The following PTPRN2 variants were observed in gnomAD, a reference collection of about 807,000 sequenced individuals.
PTPRN2 encodes the protein protein tyrosine phosphatase receptor type N2.
PTPRN2 carries 74 observed loss-of-function variants against 118.8 expected under a neutral mutation model. The ratio of observed to expected loss-of-function variants is 0.62; its 90% CI spans 0.52 to 0.76. The LOEUF is 0.76. PTPRN2 is among the 30% of genes least tolerant of loss of function. The pLI is 0.00. For missense variants in PTPRN2, 1,481 were observed against 1,394.4 expected, an observed-to-expected ratio of 1.06 and a Z score of -0.99; for synonymous variants, 641 against 608.0, an observed-to-expected ratio of 1.05 and a Z score of -0.80.
At chr7:157,852,686 T>C (rs2151208056) in intron 12 of PTPRN2, among the ~76,000 whole-genome samples, 1 of 151,972 alleles carries the variant, frequency 6.6e-6, no homozygotes, top group South Asian at 2.1e-4. Flanking sequence ...CTGGCCAACA[T>C]GGTGAAACCC....
intron 2 of PTPRN2, among the ~76,000 whole-genome samples, chr7:158,450,706 T>C (rs534123063): frequency 1.3e-5 from 2 of 152,356 alleles, no homozygotes; most frequent in South Asian, 4.1e-4. Flanking sequence ...TAAATTCCAC[T>C]GTTCCATTGT....
intron 5 of PTPRN2, among the ~76,000 whole-genome samples, chr7:158,172,448 T>A (rs1823783948): frequency 6.7e-6 from 1 of 150,372 alleles, no homozygotes; most frequent in South Asian, 2.1e-4. Context: ...ATCTTCACCA[T>A]CCACAGCACC....
chr7:157,706,708 C>CT (rs1798350589), intron 12 of PTPRN2, among the ~76,000 whole-genome samples: 1 of 141,684 alleles, frequency 7.1e-6, no homozygotes, highest in Admixed American at 7.3e-5. Flanking sequence ...GATCACATCC[C>CT]CCAGAATGCT....
At chr7:158,486,270 C>T (rs1821015000) in intron 2 of PTPRN2, among the ~76,000 whole-genome samples, 2 of 152,224 alleles carry the variant, frequency 1.3e-5, no homozygotes, top group South Asian at 4.1e-4. Context: ...GGCGTGAAAG[C>T]GACCAGCTCA....
intron 12 of PTPRN2, chr7:157,854,468 C>T (rs974303931): frequency 1.3e-5 from 2 of 152,292 alleles, no homozygotes; most frequent in Non-Finnish European, 2.9e-5. Flanking sequence ...AAGGTCACTG[C>T]CCTTGTGGTT....
chr7:158,536,521 C>A (rs1184768623), intron 1 of PTPRN2, among the ~76,000 whole-genome samples: 1 of 146,486 alleles, frequency 6.8e-6, no homozygotes, highest in South Asian at 2.2e-4. Context: ...CCACCATCAA[C>A]AAGACGGGAC....
intron 10 of PTPRN2, among the ~76,000 whole-genome samples, chr7:158,103,035 G>GAC (rs1358828093): frequency 1.3e-5 from 2 of 152,178 alleles, no homozygotes; most frequent in African/African-American, 2.4e-5. Context: ...CCATCAGCAG[G>GAC]ACCCAGTAAG....
intron 12 of PTPRN2, among the ~76,000 whole-genome samples, chr7:157,842,548 G>A (rs1015920462): frequency 3.3e-5 from 5 of 151,690 alleles, no homozygotes; most frequent in African/African-American, 9.7e-5. Context: ...CTGAGTAGCT[G>A]GAATTACAGG....
At chr7:158,051,143 G>T (rs1414685960) in intron 11 of PTPRN2, among the ~76,000 whole-genome samples, 1 of 152,250 alleles carries the variant, frequency 6.6e-6, no homozygotes, top group Admixed American at 6.5e-5. Flanking sequence ...TGGGGGTCTG[G>T]AGGGCACTAT....
chr7:158,442,675 G>A (rs1356648686), intron 2 of PTPRN2, among the ~76,000 whole-genome samples: 1 of 152,216 alleles, frequency 6.6e-6, no homozygotes, highest in Non-Finnish European at 1.5e-5. Flanking sequence ...ATCGTAAGGA[G>A]GTGATTCTGA....
intron 2 of PTPRN2, among the ~76,000 whole-genome samples, chr7:158,404,850 T>TCCAGCTCCCCAGCCC (rs1813266352): frequency 1.4e-4 from 1 of 7,216 alleles, no homozygotes; most frequent in East Asian, 3.8e-3. Flanking sequence ...CTCCCCGGCC[T>TCCAGCTCCCCAGCCC]CCAGCTCCCC....
intron 2 of PTPRN2, among the ~76,000 whole-genome samples, chr7:158,392,628 C>T (rs1025625845): frequency 6.6e-6 from 1 of 152,174 alleles, no homozygotes; most frequent in Non-Finnish European, 1.5e-5. Flanking sequence ...CTGACCACAT[C>T]AAGGTGCTAC....
intron 1 of PTPRN2, chr7:158,537,748 A>T (rs140810705): frequency 6.6e-6 from 1 of 152,366 alleles, no homozygotes; most frequent in East Asian, 1.9e-4. Context: ...TGCAAACTCG[A>T]TTCCTTGCAT....
intron 3 of PTPRN2, among the ~76,000 whole-genome samples, chr7:158,265,889 C>A (rs140732690): frequency 6.6e-6 from 1 of 152,224 alleles, no homozygotes; most frequent in African/African-American, 2.4e-5. Context: ...TCAGAGTCTG[C>A]GTGGGGGCTG....
Position 158,438,918 on chromosome 7 carries a change from C to T in PTPRN2, c.163+50817G>A, listed in dbSNP as rs753651029. On this transcript the variant is annotated intron_variant, in intron 2 of 22. Transcript: ENST00000389418. The surrounding 1 kb of genome is among the most constrained non-coding windows in gnomAD (Gnocchi z 4.7). Reference sequence around the variant, plus strand: ...TGGGAACTGCTCAGGGCAAACCTGCCTCCCATTCTGTTCAAAGTCACCCCT... The same window carrying T: ...TGGGAACTGCTCAGGGCAAACCTGCTTCCCATTCTGTTCAAAGTCACCCCT... Among the ~76,000 whole-genome samples, 4 of 152,150 alleles carry T rather than the reference C, an allele frequency of 2.6e-5. No individual in the cohort carries two copies. Among genetic ancestry groups the T allele is most frequent in the Non-Finnish European group, 5.9e-5 (4 of 68,018 alleles).
At chr7:157,901,545 C>CATAGTTTATTTAAGTGCATGTTTTT (rs1454036968) in intron 11 of PTPRN2, among the ~76,000 whole-genome samples, 26 of 152,352 alleles carry the variant, frequency 1.7e-4, no homozygotes, top group Non-Finnish European at 3.5e-4. Context: ...CTGCTCTTAA[C>CATAGTTTATTTAAGTGCATGTTTTT]ATAGTTTATT....
intron 12 of PTPRN2, among the ~76,000 whole-genome samples, chr7:157,707,197 G>GCACA (rs58765321): frequency 0.68 from 103,057 of 151,348 alleles, 35,280 homozygotes; most frequent in South Asian, 0.8. Context: ...CAGCATACAC[G>GCACA]CACACACACA....
chr7:158,259,385 C>G (rs1416546046), intron 3 of PTPRN2, among the ~76,000 whole-genome samples: 4 of 152,164 alleles, frequency 2.6e-5, no homozygotes, highest in Admixed American at 2.0e-4. Flanking sequence ...GGCCTCTCAT[C>G]CCACGTCACA....
At chr7:157,702,395 C>T (rs926351114) in intron 12 of PTPRN2, among the ~76,000 whole-genome samples, 5 of 152,196 alleles carry the variant, frequency 3.3e-5, no homozygotes, top group African/African-American at 4.8e-5. Flanking sequence ...CTGACACGGG[C>T]TCTGAGTTTA....
Sources: gnomAD v4.1 joint callset for allele counts (sites outside exome capture counted in the v4.1 genomes callset) on GRCh38, gnomAD v4.1.1 for gene constraint, Gnocchi (gnomAD v3.1) non-coding constraint, MANE v1.5 for transcripts, NCBI Gene and HGNC (gene_info 2026-07-23, HGNC 2026-07-21) for gene names.